Variants in EHHADH observed in about 807,000 individuals in gnomAD.
The protein encoded by EHHADH is peroxisomal bifunctional enzyme.
EHHADH carries 48 observed loss-of-function variants against 64.4 expected under a neutral mutation model. The observed-to-expected ratio is 0.75, with a 90% confidence interval of 0.59 to 0.95. The LOEUF is 0.95. Ranked by LOEUF, EHHADH falls within the 40% of genes least tolerant of loss-of-function variation. The pLI, the probability that EHHADH is intolerant of heterozygous loss-of-function variation, is 0.00. For missense variants in EHHADH, 854 were observed against 876.6 expected (o/e 0.97, Z 0.33); for synonymous variants, 308 against 326.7 (o/e 0.94, Z 0.62).
intron 2 of EHHADH, among the ~76,000 whole-genome samples, chr3:185,239,299 G>GT (rs1187149365): frequency 6.6e-6 from 1 of 151,972 alleles, no homozygotes; most frequent in African/African-American, 2.4e-5. Context: ...TTTTAGGATT[G>GT]TTTTTTCTAA....
intron 2 of EHHADH, among the ~76,000 whole-genome samples, chr3:185,240,887 G>T (rs1334736786): frequency 6.6e-6 from 1 of 151,976 alleles, no homozygotes. Flanking sequence ...TGATCTGTGA[G>T]ATTTTGGTGC....
At chr3:185,231,968 T>A (rs1481371791) in intron 3 of EHHADH, among the ~76,000 whole-genome samples, 1 of 146,920 alleles carries the variant, frequency 6.8e-6, no homozygotes, top group Non-Finnish European at 1.5e-5. Flanking sequence ...TCCAAAAGGC[T>A]ATTTTTTTTT....
In EHHADH at chr3:185,235,467, G is replaced by A. The variant is rs553081493; in HGVS notation, c.179-5C>T. Reference sequence around the variant, plus strand: ...TGAAGCCACGAATATCAGCACCTAAGGGCACAAAGACAAGGAGAAAACAGA... The same window carrying A: ...TGAAGCCACGAATATCAGCACCTAAAGGCACAAAGACAAGGAGAAAACAGA... On this transcript the variant is annotated splice_region_variant and splice_polypyrimidine_tract_variant and intron_variant, in intron 2 of 6. Transcript: ENST00000231887. The A allele has an allele frequency of 1.8e-4, 288 of 1,601,508 alleles. 1 individual carries two copies. The Middle Eastern group carries it at 2.5e-3, about 14-fold the overall frequency.
At chr3:185,201,283 T>C (rs1016333814) in intron 6 of EHHADH, among the ~76,000 whole-genome samples, 6 of 152,106 alleles carry the variant, frequency 3.9e-5, no homozygotes, top group Admixed American at 3.3e-4. Context: ...ACAACCAGGA[T>C]GGCAGCAGGG....
chr3:185,224,600 G>GTATTAC (rs1718925092), intron 4 of EHHADH, among the ~76,000 whole-genome samples: 1 of 151,332 alleles, frequency 6.6e-6, no homozygotes, highest in Non-Finnish European at 1.5e-5. Flanking sequence ...TATTAGTAGT[G>GTATTAC]TATTACTGCT....
intron 5 of EHHADH, among the ~76,000 whole-genome samples, chr3:185,213,905 AAG>A (rs1196441235): frequency 1.5e-5 from 2 of 133,756 alleles, no homozygotes; most frequent in Non-Finnish European, 3.0e-5. Flanking sequence ...GAAAAAAAGA[AAG>A]AGAAAAAAGA....
In EHHADH at chr3:185,253,939, A is replaced by AGC; in HGVS notation, c.74+8_74+9dup. ...ACGGTCCCCGGGCTGGAGGCGACCG[A>AGC]GCCCGTTACCTGATCGCGTTGACCG... On this transcript the variant is annotated intron_variant, in intron 1 of 6. Coordinates refer to ENST00000231887, the MANE Select transcript of EHHADH (RefSeq NM_001966.4). The AGC allele has an allele frequency of 6.2e-7, 1 of 1,614,024 alleles. No homozygotes were observed.
At chr3:185,230,622 TA>T (rs1719125912) in intron 3 of EHHADH, among the ~76,000 whole-genome samples, 1 of 144,244 alleles carries the variant, frequency 6.9e-6, no homozygotes, top group South Asian at 2.3e-4. Context: ...CAAAACATGC[TA>T]AACAAAAAAA....
intron 4 of EHHADH, among the ~76,000 whole-genome samples, chr3:185,218,578 A>C (rs1013464281): frequency 1.3e-5 from 2 of 152,244 alleles, no homozygotes; most frequent in Admixed American, 6.5e-5. Context: ...TTTATATTCT[A>C]TAAATCTCTA....
intron 6 of EHHADH, among the ~76,000 whole-genome samples, chr3:185,203,476 A>G (rs1202399169): frequency 6.6e-6 from 1 of 152,222 alleles, no homozygotes; most frequent in African/African-American, 2.4e-5. Flanking sequence ...AGAATGCTTC[A>G]CTTACCATCT....
intron 1 of EHHADH, 185 bp downstream of exon 1, chr3:185,253,764 A>AG: frequency 1.8e-6 from 2 of 1,096,390 alleles, no homozygotes; most frequent in Non-Finnish European, 2.4e-6. Flanking sequence ...TCTAGGTTAA[A>AG]AAAAAAAAAA....
chr3:185,241,266 G>T (rs979366167), intron 2 of EHHADH, among the ~76,000 whole-genome samples: 1 of 152,166 alleles, frequency 6.6e-6, no homozygotes, highest in Non-Finnish European at 1.5e-5. Context: ...TGCTGTAAAT[G>T]TGTGTGCAAG....
intron 5 of EHHADH, among the ~76,000 whole-genome samples, chr3:185,205,750 GT>G (rs1474247702): frequency 1.3e-5 from 2 of 152,166 alleles, no homozygotes; most frequent in Non-Finnish European, 2.9e-5. Context: ...TTGACGTGAG[GT>G]TGGAAGGTCA....
chr3:185,192,951 G>A lies in EHHADH; in HGVS notation c.1447C>T (p.Arg483Ter), dbSNP rs367840568. ...VGNCFGFVGN[R>*]MLNPYYNQAY... is the part of the protein sequence containing the mutation. ...TGATTGTAGTAAGGATTCAACATTCGATTCCCCACAAATCCAAAACAGTTG... is the reference window on the plus strand; with the variant it reads ...TGATTGTAGTAAGGATTCAACATTCAATTCCCCACAAATCCAAAACAGTTG... The change falls in exon 7 of 7, where the codon CGA becomes TGA. Residue 483 changes from arginine to a stop codon, truncating the protein, a stop_gained. Coordinates refer to ENST00000231887, the MANE Select transcript of EHHADH (RefSeq NM_001966.4). LOFTEE classifies it high-confidence loss of function. 51 of 1,613,924 alleles carry A rather than the reference G, an allele frequency of 3.2e-5. No individual in the cohort carries two copies. The highest frequency in any genetic ancestry group is 3.3e-4 in the Middle Eastern group (2 of 6,084).
chr3:185,240,997 C>T (rs1719435236), intron 2 of EHHADH, among the ~76,000 whole-genome samples: 1 of 144,492 alleles, frequency 6.9e-6, no homozygotes, highest in African/African-American at 2.5e-5. Flanking sequence ...TCCATTGTAT[C>T]ATTCTTATGC....
chr3:185,204,667 A>G lies in EHHADH; in HGVS notation c.659T>C (p.Met220Thr). ...DSIFSEALLK[M>T]RRQHPGCLAQ... ...AAGACACCCAGGGTGCTGCCTCCGC[A>G]TCTTCAAGAGGGCCTCACTAAAAAT... The change falls in exon 6 of 7, where the codon ATG becomes ACG. Residue 220 changes from methionine to threonine, a missense_variant. By Grantham distance (81) the Met-to-Thr change is moderately conservative. Coordinates refer to ENST00000231887, the MANE Select transcript of EHHADH (RefSeq NM_001966.4). 2 of 1,614,224 alleles carry G rather than the reference A, an allele frequency of 1.2e-6. No individual in the cohort carries two copies. Among genetic ancestry groups the G allele is most frequent in the Non-Finnish European group, 1.7e-6 (2 of 1,180,038 alleles).
At chr3:185,217,816 G>C (rs1718728217) in intron 5 of EHHADH, among the ~76,000 whole-genome samples, 1 of 150,762 alleles carries the variant, frequency 6.6e-6, no homozygotes, top group South Asian at 2.1e-4. Context: ...CCAGGATGGA[G>C]TGCAGTGGCG....
Position 185,191,917 on chromosome 3 carries a change from A to T in EHHADH, c.*309T>A. On this transcript the variant is annotated 3_prime_UTR_variant, in exon 7 of 7. Coordinates refer to ENST00000231887, the MANE Select transcript of EHHADH (RefSeq NM_001966.4). ...TGCATTTATCATTTATTAATTGATGACACATTTATCCAATGATAAAAGCAT... is the reference window on the plus strand; with the variant it reads ...TGCATTTATCATTTATTAATTGATGTCACATTTATCCAATGATAAAAGCAT... 2.9e-6 allele frequency: 1 copy of T among 341,592 alleles called. No homozygotes were observed. The highest frequency in any genetic ancestry group is 4.5e-5 in the Admixed American group (1 of 22,330). 21.2% of individuals were successfully genotyped at this position (341,592 alleles called of 1,614,324 possible). A position where few individuals can be genotyped will look rare whatever the true frequency, so the allele number is the denominator to read the frequency against.
chr3:185,244,412 T>A (rs1719538948), intron 2 of EHHADH, among the ~76,000 whole-genome samples: 1 of 152,236 alleles, frequency 6.6e-6, no homozygotes, highest in East Asian at 1.9e-4. Flanking sequence ...TGTCTCAATT[T>A]ACACTACGAT....
Sources: gnomAD v4.1 joint callset for allele counts (sites outside exome capture counted in the v4.1 genomes callset) on GRCh38, gnomAD v4.1.1 for gene constraint, MANE v1.5 for transcripts, NCBI Gene and HGNC (gene_info 2026-07-23, HGNC 2026-07-21) for gene names.